SGCZ: variants seen among roughly 807,000 people sequenced by gnomAD.
SGCZ encodes the protein sarcoglycan zeta, also known as zeta-sarcoglycan.
A neutral mutation model predicts 41.3 loss-of-function variants in SGCZ; 40 were observed. The observed-to-expected ratio is 0.97, with a 90% CI of 0.75 to 1.26. The LOEUF is 1.26. Ranked by LOEUF, SGCZ falls within the 50% of genes most tolerant of loss-of-function variation. SGCZ has a pLI of 0.00. For synonymous variants in SGCZ, 206 were observed against 137.5 expected, an observed-to-expected ratio of 1.50 and a Z score of -3.49; for missense variants, 552 against 369.8, an observed-to-expected ratio of 1.49 and a Z score of -4.04.
At chr8:14,911,395 C>G (rs1470019498) in intron 1 of SGCZ, among the ~76,000 whole-genome samples, 2 of 151,942 alleles carry the variant, frequency 1.3e-5, no homozygotes, top group African/African-American at 2.4e-5. Context: ...CAAAAGAAAT[C>G]TAGGACATTA....
At chr8:14,149,346 C>T (rs1242294352) in intron 5 of SGCZ, among the ~76,000 whole-genome samples, 3 of 152,032 alleles carry the variant, frequency 2.0e-5, no homozygotes, top group Non-Finnish European at 4.4e-5. Flanking sequence ...GACACAAAAT[C>T]AACATACGAA....
chr8:15,105,069 C>T (rs1806771947), intron 1 of SGCZ, among the ~76,000 whole-genome samples: 1 of 152,150 alleles, frequency 6.6e-6, no homozygotes, highest in East Asian at 1.9e-4. Flanking sequence ...AAAATGTTTG[C>T]TAACCCAATA....
chr8:14,467,604 A>T (rs1801088854), intron 2 of SGCZ, among the ~76,000 whole-genome samples: 1 of 151,974 alleles, frequency 6.6e-6, no homozygotes, highest in Admixed American at 6.6e-5. Context: ...TACCATCCAA[A>T]CCTTGTTCCA....
intron 4 of SGCZ, among the ~76,000 whole-genome samples, chr8:14,174,892 A>G (rs1804496399): frequency 6.6e-6 from 1 of 152,116 alleles, no homozygotes; most frequent in South Asian, 2.1e-4. Flanking sequence ...TTCTTCCAAT[A>G]TCTCTTGACA....
intron 2 of SGCZ, among the ~76,000 whole-genome samples, chr8:14,449,042 T>C (rs569949789): frequency 6.6e-6 from 1 of 152,158 alleles, no homozygotes; most frequent in Non-Finnish European, 1.5e-5. Flanking sequence ...TGAAAGGACT[T>C]ATGCTCTGAT....
chr8:15,179,235 CAGT>C (rs1415454701), intron 1 of SGCZ, among the ~76,000 whole-genome samples: 1 of 152,022 alleles, frequency 6.6e-6, no homozygotes, highest in Non-Finnish European at 1.5e-5. Flanking sequence ...AAGTTAATCT[CAGT>C]AGATTTTTCT....
At chr8:15,027,616 G>A (rs759917805) in intron 1 of SGCZ, among the ~76,000 whole-genome samples, 9 of 151,922 alleles carry the variant, frequency 5.9e-5, no homozygotes, top group African/African-American at 7.2e-5. Context: ...GTGGATTTCC[G>A]TTAATCTGAA....
chr8:14,945,069 C>A (rs1016119387), intron 1 of SGCZ, among the ~76,000 whole-genome samples: 3 of 145,562 alleles, frequency 2.1e-5, no homozygotes, highest in Admixed American at 1.5e-4. Context: ...CAGAGAAGCA[C>A]CTTATTCAAG....
intron 2 of SGCZ, among the ~76,000 whole-genome samples, chr8:14,378,705 C>T (rs900673890): frequency 2.0e-5 from 3 of 152,130 alleles, no homozygotes; most frequent in African/African-American, 7.2e-5. Flanking sequence ...TAGGGACAGT[C>T]TTGGGGACTG....
intron 1 of SGCZ, among the ~76,000 whole-genome samples, chr8:14,663,460 T>C (rs140012497): frequency 1.3e-5 from 2 of 152,280 alleles, no homozygotes; most frequent in Non-Finnish European, 2.9e-5. Context: ...ATTTCTATTA[T>C]AATTTAAGCT....
chr8:14,450,104 C>T (rs2117398657), intron 2 of SGCZ, among the ~76,000 whole-genome samples: 1 of 152,114 alleles, frequency 6.6e-6, no homozygotes, highest in Admixed American at 6.5e-5. Flanking sequence ...AGAAAGAAAA[C>T]AAAAATCTGC....
Position 14,108,187 on chromosome 8 carries a change from C to G in SGCZ, c.596G>C (p.Arg199Thr). 1 of 1,614,120 alleles carries G rather than the reference C, an allele frequency of 6.2e-7. No homozygotes were observed. The highest frequency in any genetic ancestry group is 1.1e-5 in the South Asian group (1 of 91,090). Residue 199 changes from arginine to threonine, a missense_variant, in exon 6 of 8, where the codon AGA (arginine) becomes ACA (threonine). By Grantham distance (71) the Arg-to-Thr change is moderately conservative. Transcript: ENST00000382080. ...CCTGAGATCTTGGGATGGCTCTGCT[C>G]TGATGTGCGGCGTCTCCACAGAGTG... ...FGHSVETPHIRAEPSQDLRLE... is the reference protein window; with the variant it reads ...FGHSVETPHITAEPSQDLRLE...
At chr8:14,453,825 T>G (rs1239885100) in intron 2 of SGCZ, among the ~76,000 whole-genome samples, 2 of 152,290 alleles carry the variant, frequency 1.3e-5, no homozygotes, top group African/African-American at 2.4e-5. Context: ...ATTCTGTCAG[T>G]TTTTAAAAAG....
At chr8:14,405,555 C>T (rs1799190137) in intron 2 of SGCZ, among the ~76,000 whole-genome samples, 1 of 151,984 alleles carries the variant, frequency 6.6e-6, no homozygotes. Context: ...TAGCCTTATG[C>T]CAAGAATTAT....
At chr8:14,635,937 T>C (rs1318455467) in intron 1 of SGCZ, among the ~76,000 whole-genome samples, 3 of 151,952 alleles carry the variant, frequency 2.0e-5, no homozygotes, top group Non-Finnish European at 4.4e-5. Flanking sequence ...TGCTGTGAGT[T>C]AATATAGTAG....
Position 14,624,555 on chromosome 8 carries a change from ATTTTTTT to A in SGCZ, c.40-69636_40-69630del, listed in dbSNP as rs750064815. ...ATCACTCCCCAATTTTATTATTATT[ATTTTTTT>A]TTTTTTTTTTTTTTTTTTTTTTTTT... On this transcript the variant is annotated intron_variant, in intron 1 of 7. Transcript: ENST00000382080. 4.9e-3 allele frequency among the ~76,000 whole-genome samples: 467 copies of A among 96,196 alleles called. 6 individuals carry two copies. Among genetic ancestry groups the A allele is most frequent in the African/African-American group, 0.015 (369 of 25,204 alleles). The allele number at this position is 96,196 out of a possible 152,430, so 63.1% of individuals were successfully genotyped here. A position where few individuals can be genotyped will look rare whatever the true frequency, so the allele number is the denominator to read the frequency against.
Position 14,846,925 on chromosome 8 carries a change from A to G in SGCZ, c.40-291999T>C, listed in dbSNP as rs1454764567. Among the ~76,000 whole-genome samples, 5 of 151,900 alleles carry G rather than the reference A, an allele frequency of 3.3e-5. No homozygotes were observed. The East Asian group carries it at 9.7e-4, about 29-fold the overall frequency. ...TCTCTACTAAAATACAAAAGAAATT[A>G]GCTGGGCGTGGTGGCACATGCCTGT... On this transcript the variant is annotated intron_variant, in intron 1 of 7. Transcript: ENST00000382080.
chr8:14,481,442 G>T (rs559906686), intron 2 of SGCZ, among the ~76,000 whole-genome samples: 2 of 152,266 alleles, frequency 1.3e-5, no homozygotes, highest in Admixed American at 6.5e-5. Flanking sequence ...TCAAAGTCAT[G>T]AATTTTGTGC....
At chr8:14,167,640 C>T (rs1478026) in intron 4 of SGCZ, among the ~76,000 whole-genome samples, 94,790 of 151,988 alleles carry the variant, frequency 0.62, 30,382 homozygotes, top group East Asian at 0.78. Flanking sequence ...CATAAAAAGA[C>T]TGGAGTATTA....
Sources: gnomAD v4.1 joint callset for allele counts (sites outside exome capture counted in the v4.1 genomes callset) on GRCh38, gnomAD v4.1.1 for gene constraint, MANE v1.5 for transcripts, NCBI Gene and HGNC (gene_info 2026-07-23, HGNC 2026-07-21) for gene names.